The following ARHGAP15 variants were observed in gnomAD, a reference collection of about 807,000 sequenced individuals.
ARHGAP15 encodes Rho GTPase activating protein 15, also known as rho GTPase-activating protein 15.
In ARHGAP15, 51 loss-of-function variants were observed where a neutral mutation model predicts 63.7. That is an observed-to-expected ratio of 0.80 (90% CI 0.64 to 1.01). The LOEUF is 1.01. Among genes scored for constraint, ARHGAP15 ranks in the 50% least tolerant of loss-of-function variants. ARHGAP15 has a pLI of 0.00. For missense variants in ARHGAP15, 560 were observed against 564.6 expected (o/e 0.99, Z 0.08); for synonymous variants, 191 against 193.8 (o/e 0.99, Z 0.12).
chr2:143,767,106 T>A lies in ARHGAP15; in HGVS notation c.1245-883T>A, dbSNP rs188375750. Among the ~76,000 whole-genome samples, 133 of 152,344 alleles carry A rather than the reference T, an allele frequency of 8.7e-4. 3 individuals carry two copies. Among genetic ancestry groups the A allele is most frequent in the Non-Finnish European group, 1.2e-3 (82 of 68,032 alleles). On this transcript the variant is annotated intron_variant, in intron 13 of 13. Transcript: ENST00000295095. ...GTTTGATATTTCTTAGCACTCTTTCTTTCCATATGCTTTCCTTATTTCCTT... is the reference window on the plus strand; with the variant it reads ...GTTTGATATTTCTTAGCACTCTTTCATTCCATATGCTTTCCTTATTTCCTT...
At chr2:143,701,715 G>C (rs1238916919) in intron 12 of ARHGAP15, among the ~76,000 whole-genome samples, 1 of 152,184 alleles carries the variant, frequency 6.6e-6, no homozygotes, top group Non-Finnish European at 1.5e-5. Context: ...GCACAGTAGA[G>C]CAAGATCCTG....
At chr2:143,707,447 G>A (rs1335591635) in intron 13 of ARHGAP15, among the ~76,000 whole-genome samples, 1 of 152,174 alleles carries the variant, frequency 6.6e-6, no homozygotes, top group Non-Finnish European at 1.5e-5. Context: ...AACAGACATG[G>A]GAAAGAAGAT....
At position 143,560,336 on chromosome 2, in the gene ARHGAP15, A is replaced by T. The variant is rs1317004125; in HGVS notation, c.1003+3851A>T. On this transcript the variant is annotated intron_variant, in intron 11 of 13. Transcript: ENST00000295095. ...TTATGTGCCAGGCACTGTACTAAGC[A>T]CTTTATTTACATAATTTAATCTAAT... Among the ~76,000 whole-genome samples, 3 of 152,220 alleles carry T rather than the reference A, an allele frequency of 2.0e-5. No homozygotes were observed. In the East Asian group the frequency reaches 5.8e-4, roughly 29 times the overall value.
chr2:143,446,019 G>C (rs1298181011), intron 8 of ARHGAP15, among the ~76,000 whole-genome samples: 1 of 151,886 alleles, frequency 6.6e-6, no homozygotes, highest in African/African-American at 2.4e-5. Flanking sequence ...GTATGAGATT[G>C]TGTAAGAAAT....
intron 6 of ARHGAP15, among the ~76,000 whole-genome samples, chr2:143,353,020 T>C (rs1685640212): frequency 6.6e-6 from 1 of 152,188 alleles, no homozygotes; most frequent in South Asian, 2.1e-4. Context: ...TGAAATGACA[T>C]ATAACATTGA....
intron 13 of ARHGAP15, among the ~76,000 whole-genome samples, chr2:143,736,226 T>C (rs1685739487): frequency 1.3e-5 from 2 of 151,972 alleles, no homozygotes; most frequent in Non-Finnish European, 2.9e-5. Flanking sequence ...GGTGAAACCT[T>C]GTCTCTACTA....
chr2:143,532,517 A>C (rs1694564790), intron 10 of ARHGAP15, among the ~76,000 whole-genome samples: 1 of 152,184 alleles, frequency 6.6e-6, no homozygotes, highest in Admixed American at 6.5e-5. Context: ...AATTCTTCTT[A>C]CTAGGTAAAC....
At chr2:143,698,482 T>G (rs564039380) in intron 12 of ARHGAP15, among the ~76,000 whole-genome samples, 3 of 152,224 alleles carry the variant, frequency 2.0e-5, no homozygotes, top group African/African-American at 7.2e-5. Context: ...TAGGTGTTAC[T>G]TCTCTGAACA....
chr2:143,399,741 A>G (rs1404796193), intron 6 of ARHGAP15, among the ~76,000 whole-genome samples: 1 of 151,772 alleles, frequency 6.6e-6, no homozygotes, highest in Non-Finnish European at 1.5e-5. Flanking sequence ...AGACCATCTG[A>G]CTCCGGGTCT....
intron 6 of ARHGAP15, among the ~76,000 whole-genome samples, chr2:143,336,067 C>T (rs1050584056): frequency 1.3e-5 from 2 of 152,044 alleles, no homozygotes; most frequent in African/African-American, 4.8e-5. Context: ...GTGGTGTGAT[C>T]AATGCTCACG....
At chr2:143,529,029 T>C (rs973830324) in intron 10 of ARHGAP15, among the ~76,000 whole-genome samples, 4 of 152,218 alleles carry the variant, frequency 2.6e-5, no homozygotes. Context: ...AGCTCCTATA[T>C]GCAAATAATT....
intron 10 of ARHGAP15, among the ~76,000 whole-genome samples, chr2:143,529,028 A>G (rs963381229): frequency 1.3e-5 from 2 of 152,076 alleles, no homozygotes; most frequent in Non-Finnish European, 2.9e-5. Context: ...GAGCTCCTAT[A>G]TGCAAATAAT....
intron 12 of ARHGAP15, among the ~76,000 whole-genome samples, chr2:143,669,347 T>C (rs1284878294): frequency 6.6e-6 from 1 of 152,194 alleles, no homozygotes; most frequent in Non-Finnish European, 1.5e-5. Context: ...TGAGGCATAG[T>C]TGGACATGAA....
chr2:143,308,648 T>C (rs1683292096), intron 6 of ARHGAP15, among the ~76,000 whole-genome samples: 1 of 152,022 alleles, frequency 6.6e-6, no homozygotes, highest in African/African-American at 2.4e-5. Flanking sequence ...TAACCTGTCA[T>C]GAAATGCTGG....
intron 6 of ARHGAP15, among the ~76,000 whole-genome samples, chr2:143,290,469 T>C (rs2105115274): frequency 6.6e-6 from 1 of 152,048 alleles, no homozygotes; most frequent in South Asian, 2.1e-4. Context: ...TATAGCCCAT[T>C]GATGCATGCC....
intron 6 of ARHGAP15, among the ~76,000 whole-genome samples, chr2:143,373,342 C>T (rs1686647867): frequency 6.6e-6 from 1 of 151,920 alleles, no homozygotes; most frequent in South Asian, 2.1e-4. Context: ...CATAAAAATA[C>T]AACAAAGGCC....
chr2:143,284,733 T>C lies in ARHGAP15; in HGVS notation c.474+34133T>C, dbSNP rs539028614. Among the ~76,000 whole-genome samples the C allele has an allele frequency of 3.9e-5, 6 of 152,324 alleles. No homozygotes were observed. The East Asian group carries it at 7.7e-4, about 20-fold the overall frequency. The stretch of plus-strand genomic sequence containing the variant: ...ACCTGAAATTAAACATCACACATTG[T>C]AAATCAGTGAAGCAAAAATCAAACA... On this transcript the variant is annotated intron_variant, in intron 6 of 13. Coordinates refer to ENST00000295095, the MANE Select transcript of ARHGAP15 (RefSeq NM_018460.4).
intron 2 of ARHGAP15, among the ~76,000 whole-genome samples, chr2:143,187,589 G>A (rs146678760): frequency 5.2e-4 from 79 of 152,328 alleles, no homozygotes; most frequent in African/African-American, 1.5e-3. Flanking sequence ...TAGATGAGGA[G>A]ACTGAGACAC....
chr2:143,347,824 T>C (rs1242207437), intron 6 of ARHGAP15, among the ~76,000 whole-genome samples: 3 of 152,002 alleles, frequency 2.0e-5, no homozygotes, highest in African/African-American at 7.3e-5. Context: ...ATTTTTTTTT[T>C]TTTTTTTGGC....
Sources: gnomAD v4.1 joint callset for allele counts (sites outside exome capture counted in the v4.1 genomes callset) on GRCh38, gnomAD v4.1.1 for gene constraint, MANE v1.5 for transcripts, NCBI Gene and HGNC (gene_info 2026-07-23, HGNC 2026-07-21) for gene names.